The following RIMS1 variants were observed in gnomAD, a reference collection of about 807,000 sequenced individuals.
RIMS1 encodes regulating synaptic membrane exocytosis protein 1.
In RIMS1, 83 loss-of-function variants were observed where a neutral mutation model predicts 214.1. The ratio of observed to expected loss-of-function variants is 0.39; its 90% CI spans 0.32 to 0.47. The LOEUF is 0.47. Ranked by LOEUF, RIMS1 falls within the 20% of genes least tolerant of loss-of-function variation. The pLI is 0.99. For missense variants in RIMS1, 2,050 were observed against 2,161.8 expected, an observed-to-expected ratio of 0.95 and a Z score of 1.03; for synonymous variants, 793 against 786.8, an observed-to-expected ratio of 1.01 and a Z score of -0.13.
intron 16 of RIMS1, among the ~76,000 whole-genome samples, chr6:72,254,859 T>C (rs1010914097): frequency 6.6e-6 from 1 of 152,198 alleles, no homozygotes; most frequent in African/African-American, 2.4e-5. Flanking sequence ...TCCCTCAAAG[T>C]GTTTGCAAAC....
intron 29 of RIMS1, among the ~76,000 whole-genome samples, chr6:72,342,437 C>T (rs889780619): frequency 5.3e-5 from 8 of 151,798 alleles, no homozygotes; most frequent in Non-Finnish European, 1.2e-4. Context: ...AATCTGTTCA[C>T]ATGCATGGTG....
At chr6:72,061,181 C>A (rs375707093) in intron 2 of RIMS1, among the ~76,000 whole-genome samples, 4 of 151,842 alleles carry the variant, frequency 2.6e-5, no homozygotes, top group Admixed American at 6.6e-5. Flanking sequence ...ATAACTCAGA[C>A]CTACTAAAAT....
At chr6:71,890,570 TAAA>T (rs3076604) in intron 1 of RIMS1, among the ~76,000 whole-genome samples, 1,973 of 81,494 alleles carry the variant, frequency 0.024, 64 homozygotes, top group Non-Finnish European at 0.035. Context: ...CTCCTTTTTG[TAAA>T]AAAAAAAAAA....
intron 1 of RIMS1, among the ~76,000 whole-genome samples, chr6:71,926,719 G>T (rs1781682931): frequency 6.6e-6 from 1 of 152,066 alleles, no homozygotes; most frequent in African/African-American, 2.4e-5. Flanking sequence ...ACACTTCTAA[G>T]TGTTTAACTT....
chr6:72,295,795 A>G, intron 26 of RIMS1: 1 of 152,856 alleles, frequency 6.5e-6, no homozygotes, highest in Middle Eastern at 2.1e-3. Context: ...ATGGTTTTTC[A>G]TTGCAATTTA....
At chr6:72,375,643 G>A (rs2098353356) in intron 29 of RIMS1, among the ~76,000 whole-genome samples, 1 of 152,134 alleles carries the variant, frequency 6.6e-6, no homozygotes, top group Non-Finnish European at 1.5e-5. Flanking sequence ...TTTCACAGTT[G>A]AATTTGCTTT....
intron 1 of RIMS1, among the ~76,000 whole-genome samples, chr6:71,915,644 G>A (rs1778146940): frequency 6.6e-6 from 1 of 152,090 alleles, no homozygotes; most frequent in South Asian, 2.1e-4. Context: ...TCTTCTCACA[G>A]GATTGTTTGG....
Position 72,222,822 on chromosome 6 carries a change from A to G in RIMS1, c.1679-10951A>G, listed in dbSNP as rs147143435. ...GTTGTTGCCTAATGGATATTGTTTT[A>G]ACATCAATGTTTTGCCCTTTAATCC... On this transcript the variant is annotated intron_variant, in intron 6 of 33. Coordinates refer to ENST00000521978, the MANE Select transcript of RIMS1 (RefSeq NM_014989.7). Among the ~76,000 whole-genome samples, 320 of 152,304 alleles carry G rather than the reference A, an allele frequency of 2.1e-3. 4 individuals are homozygous for G. The highest frequency in any genetic ancestry group is 3.0e-3 in the Non-Finnish European group (201 of 67,996).
chr6:72,173,458 TGTTTTATCTCTCTAAC>T lies in RIMS1; in HGVS notation c.472-6100_472-6085del, dbSNP rs1299363824. On this transcript the variant is annotated intron_variant, in intron 4 of 33. Transcript: ENST00000521978. ...TTTATCTCATGTTTTTTATTTCATG[TGTTTTATCTCTCTAAC>T]GTTTTATCTCTCTAACATTTTATCT... Among the ~76,000 whole-genome samples the T allele has an allele frequency of 3.3e-5, 5 of 152,212 alleles. No individual in the cohort carries two copies. The East Asian group carries it at 9.6e-4, about 29-fold the overall frequency.
intron 2 of RIMS1, among the ~76,000 whole-genome samples, chr6:72,055,080 C>T (rs1388591997): frequency 6.6e-6 from 1 of 151,934 alleles, no homozygotes; most frequent in African/African-American, 2.4e-5. Context: ...GTCTTTAATC[C>T]ATCTTGAGTT....
chr6:72,360,722 A>G (rs376611556), intron 29 of RIMS1, among the ~76,000 whole-genome samples: 4 of 149,378 alleles, frequency 2.7e-5, no homozygotes, highest in Middle Eastern at 3.5e-3. Context: ...TTTTTACTAT[A>G]TATATAAAAC....
At chr6:72,388,698 A>G (rs1237778911) in intron 29 of RIMS1, among the ~76,000 whole-genome samples, 3 of 152,154 alleles carry the variant, frequency 2.0e-5, no homozygotes, top group Non-Finnish European at 4.4e-5. Flanking sequence ...ATGCATTTTG[A>G]AGGCAAAGCC....
chr6:72,118,652 A>G (rs1587438734), intron 4 of RIMS1, among the ~76,000 whole-genome samples: 2 of 151,864 alleles, frequency 1.3e-5, no homozygotes, highest in African/African-American at 2.4e-5. Context: ...CATACCAGGT[A>G]TGCAGGGATG....
At chr6:72,192,434 T>C (rs1474703973) in intron 6 of RIMS1, among the ~76,000 whole-genome samples, 1 of 152,208 alleles carries the variant, frequency 6.6e-6, no homozygotes, top group Non-Finnish European at 1.5e-5. Flanking sequence ...CAGCTTTCCC[T>C]TCATTCAATG....
chr6:72,372,407 T>G (rs2098246997), intron 29 of RIMS1, among the ~76,000 whole-genome samples: 1 of 152,218 alleles, frequency 6.6e-6, no homozygotes, highest in Non-Finnish European at 1.5e-5. Context: ...TTTTAATGTT[T>G]TAAAGATTTT....
intron 2 of RIMS1, among the ~76,000 whole-genome samples, chr6:72,057,519 T>A (rs1733500276): frequency 1.5e-5 from 2 of 131,820 alleles, no homozygotes; most frequent in Non-Finnish European, 3.3e-5. Flanking sequence ...TTTTTTTTTC[T>A]TTTTTTGAGA....
chr6:72,011,549 A>C (rs958942911), intron 2 of RIMS1, among the ~76,000 whole-genome samples: 1 of 152,218 alleles, frequency 6.6e-6, no homozygotes, highest in Non-Finnish European at 1.5e-5. Context: ...GGCAACCTAC[A>C]AAATCGGAGA....
At chr6:72,060,660 A>T (rs1827618891) in intron 2 of RIMS1, among the ~76,000 whole-genome samples, 1 of 152,072 alleles carries the variant, frequency 6.6e-6, no homozygotes. Flanking sequence ...TACCAAAGCC[A>T]TTTTTTTAGG....
intron 1 of RIMS1, among the ~76,000 whole-genome samples, chr6:71,887,985 C>G (rs1287077875): frequency 6.6e-6 from 1 of 152,136 alleles, no homozygotes; most frequent in Admixed American, 6.5e-5. Context: ...AGGAAACAGT[C>G]CAATAAGGGA....
Sources: gnomAD v4.1 joint callset for allele counts (sites outside exome capture counted in the v4.1 genomes callset) on GRCh38, gnomAD v4.1.1 for gene constraint, MANE v1.5 for transcripts, NCBI Gene and HGNC (gene_info 2026-07-23, HGNC 2026-07-21) for gene names.